The following MSRA variants were observed in gnomAD, a reference collection of about 807,000 sequenced individuals.
MSRA encodes the protein methionine sulfoxide reductase A.
Under a neutral mutation model 31.3 loss-of-function variants are expected in MSRA, and 54 were observed. The ratio of observed to expected loss-of-function variants is 1.73; its 90% confidence interval spans 1.39 to 2.17. MSRA has a LOEUF of 2.17. Among genes scored for constraint, MSRA ranks in the 30% most tolerant of loss-of-function variants. The pLI is 0.00. For synonymous variants in MSRA, 169 were observed against 116.5 expected (o/e 1.45, Z -2.90); for missense variants, 507 against 300.9 (o/e 1.69, Z -5.07).
At chr8:10,277,510 C>A (rs991453116) in intron 3 of MSRA, among the ~76,000 whole-genome samples, 1 of 152,194 alleles carries the variant, frequency 6.6e-6, no homozygotes, top group Non-Finnish European at 1.5e-5. Flanking sequence ...ATGTTTCCTA[C>A]CCCCATTTAC....
intron 3 of MSRA, among the ~76,000 whole-genome samples, chr8:10,275,012 A>T (rs1799249717): frequency 6.6e-6 from 1 of 152,112 alleles, no homozygotes; most frequent in Non-Finnish European, 1.5e-5. Context: ...CAAGGACTAT[A>T]TATGATATTA....
intron 1 of MSRA, among the ~76,000 whole-genome samples, chr8:10,090,447 A>T (rs1256262115): frequency 6.6e-6 from 1 of 152,248 alleles, no homozygotes; most frequent in Non-Finnish European, 1.5e-5. Context: ...GCCTCTGTTT[A>T]AGAGGCTATA....
chr8:10,135,045 G>C (rs1171061619), intron 1 of MSRA, among the ~76,000 whole-genome samples: 1 of 152,196 alleles, frequency 6.6e-6, no homozygotes, highest in African/African-American at 2.4e-5. Context: ...TTTACTTTAA[G>C]GTGAAGAGGA....
chr8:10,356,805 C>G (rs760746469), intron 5 of MSRA, among the ~76,000 whole-genome samples: 7 of 151,768 alleles, frequency 4.6e-5, no homozygotes, highest in Middle Eastern at 3.4e-3. Context: ...ATAAGCCACC[C>G]AGTCCATGGT....
At chr8:10,358,122 T>C (rs1804618062) in intron 5 of MSRA, among the ~76,000 whole-genome samples, 1 of 152,066 alleles carries the variant, frequency 6.6e-6, no homozygotes, top group Non-Finnish European at 1.5e-5. Flanking sequence ...GGAGACGGGG[T>C]TTCACCATGT....
chr8:10,347,183 A>G (rs1803835153), intron 5 of MSRA, among the ~76,000 whole-genome samples: 3 of 152,114 alleles, frequency 2.0e-5, no homozygotes, highest in Admixed American at 6.5e-5. Context: ...TCATCACTGT[A>G]TCTTCCCTAG....
At chr8:10,317,344 C>G (rs965777362) in intron 4 of MSRA, among the ~76,000 whole-genome samples, 2 of 152,160 alleles carry the variant, frequency 1.3e-5, no homozygotes, top group African/African-American at 2.4e-5. Context: ...AGTTGGTACC[C>G]AAAGATGAGC....
At chr8:10,181,382 C>G (rs1378221083) in intron 1 of MSRA, among the ~76,000 whole-genome samples, 2 of 150,892 alleles carry the variant, frequency 1.3e-5, no homozygotes, top group African/African-American at 2.4e-5. Flanking sequence ...GATCAAAAGA[C>G]AGCGTGCAGT....
intron 5 of MSRA, among the ~76,000 whole-genome samples, chr8:10,363,182 T>C (rs535679328): frequency 6.6e-6 from 1 of 152,354 alleles, no homozygotes; most frequent in Admixed American, 6.5e-5. Flanking sequence ...CTTGAAGCCC[T>C]GCAGTTGCTA....
chr8:10,084,577 CT>C (rs1398895780), intron 1 of MSRA, among the ~76,000 whole-genome samples: 1 of 152,234 alleles, frequency 6.6e-6, no homozygotes, highest in East Asian at 1.9e-4. Context: ...ACTCTATGAT[CT>C]TGGGCAAGTT....
chr8:10,331,577 T>G (rs373099135), intron 5 of MSRA, among the ~76,000 whole-genome samples: 19 of 152,278 alleles, frequency 1.2e-4, no homozygotes, highest in African/African-American at 4.3e-4. Context: ...CTAGAGTCAT[T>G]TGACACTGAA....
intron 3 of MSRA, among the ~76,000 whole-genome samples, chr8:10,259,625 G>A (rs968123931): frequency 6.6e-6 from 1 of 152,084 alleles, no homozygotes; most frequent in Non-Finnish European, 1.5e-5. Flanking sequence ...GGACATTTGG[G>A]AAAGCTCAGA....
At chr8:10,298,968 C>T (rs975826165) in intron 3 of MSRA, among the ~76,000 whole-genome samples, 10 of 152,220 alleles carry the variant, frequency 6.6e-5, no homozygotes, top group Admixed American at 5.9e-4. Flanking sequence ...GCTACATACA[C>T]CCGTGGGGTT....
intron 1 of MSRA, among the ~76,000 whole-genome samples, chr8:10,174,238 C>A (rs6601419): frequency 6.6e-6 from 1 of 151,798 alleles, no homozygotes; most frequent in Non-Finnish European, 1.5e-5. Flanking sequence ...GGGGAGCCTG[C>A]TTCCAACTTT....
chr8:10,283,160 A>ACACACACACACTCTCTCTCTCTCTCTCT lies in MSRA; in HGVS notation c.332-18373_332-18372insACACACACACTCTCTCTCTCTCTCTCTC. 9.0e-3 allele frequency among the ~76,000 whole-genome samples: 1,264 copies of ACACACACACACTCTCTCTCTCTCTCTCT among 140,186 alleles called. 17 individuals are homozygous for ACACACACACACTCTCTCTCTCTCTCTCT. Among genetic ancestry groups the ACACACACACACTCTCTCTCTCTCTCTCT allele is most frequent in the African/African-American group, 0.027 (993 of 36,790 alleles). 92.0% of individuals were successfully genotyped at this position (140,186 alleles called of 152,430 possible). On this transcript the variant is annotated intron_variant, in intron 3 of 5. Coordinates refer to ENST00000317173, the MANE Select transcript of MSRA (RefSeq NM_012331.5). ...CACACACACACACACACACACACAC[A>ACACACACACACTCTCTCTCTCTCTCTCT]CTCTCACCCTTCTCTTTGCTGGGGA...
intron 1 of MSRA, among the ~76,000 whole-genome samples, chr8:10,157,809 T>C (rs1474915465): frequency 1.3e-5 from 2 of 152,046 alleles, no homozygotes; most frequent in Middle Eastern, 3.2e-3. Context: ...CATCTCCCTG[T>C]CTCTCTCTTC....
chr8:10,389,387 C>T (rs1806593844), intron 5 of MSRA, among the ~76,000 whole-genome samples: 1 of 152,212 alleles, frequency 6.6e-6, no homozygotes, highest in Non-Finnish European at 1.5e-5. Flanking sequence ...AGGCTTCAAC[C>T]AAAGTACTCG....
chr8:10,310,076 G>A (rs942614847), intron 4 of MSRA, among the ~76,000 whole-genome samples: 2 of 152,206 alleles, frequency 1.3e-5, no homozygotes, highest in African/African-American at 2.4e-5. Flanking sequence ...TCCTTGTGCT[G>A]ACCCCTTGAA....
At chr8:10,098,324 C>G (rs1799309555) in intron 1 of MSRA, among the ~76,000 whole-genome samples, 1 of 152,138 alleles carries the variant, frequency 6.6e-6, no homozygotes, top group Admixed American at 6.5e-5. Flanking sequence ...TATTTAACTG[C>G]TACTTGATAC....
Sources: allele counts gnomAD v4.1 joint callset (sites outside exome capture counted in the v4.1 genomes callset), GRCh38; gene constraint gnomAD v4.1.1; transcripts MANE v1.5; gene names NCBI Gene and HGNC (gene_info 2026-07-23, HGNC 2026-07-21).